The following ADD3 variants were observed in gnomAD, a reference collection of about 807,000 sequenced individuals.
ADD3 encodes the protein gamma-adducin.
ADD3 carries 25 observed loss-of-function variants against 80.2 expected under a neutral mutation model. The ratio of observed to expected loss-of-function variants is 0.31; its 90% CI spans 0.23 to 0.44. The LOEUF (loss-of-function observed/expected upper bound fraction) is 0.44, where lower values mean the gene tolerates loss of function less well. Among genes scored for constraint, ADD3 ranks in the 20% least tolerant of loss-of-function variants. The pLI is 1.00. For missense variants in ADD3, 829 were observed against 847.5 expected (o/e 0.98, Z 0.27); for synonymous variants, 284 against 289.6 (o/e 0.98, Z 0.20).
intron 1 of ADD3, among the ~76,000 whole-genome samples, chr10:110,052,342 C>A (rs1857613470): frequency 6.6e-6 from 1 of 152,204 alleles, no homozygotes; most frequent in African/African-American, 2.4e-5. Flanking sequence ...GGGCCCCGGA[C>A]CAGTACCTGT....
intron 1 of ADD3, among the ~76,000 whole-genome samples, chr10:110,030,561 G>A (rs907155798): frequency 6.6e-6 from 1 of 151,286 alleles, no homozygotes. Context: ...TGTGAAATGG[G>A]TATTAGGGTA....
chr10:110,073,709 T>C (rs1228476336), intron 1 of ADD3, among the ~76,000 whole-genome samples: 1 of 152,218 alleles, frequency 6.6e-6, no homozygotes, highest in African/African-American at 2.4e-5. Context: ...TGGAGAGTGT[T>C]CATCCTTAGT....
intron 1 of ADD3, among the ~76,000 whole-genome samples, chr10:110,008,685 G>A (rs1004889352): frequency 6.6e-6 from 1 of 152,186 alleles, no homozygotes; most frequent in Admixed American, 6.5e-5. Flanking sequence ...AAGCCCTGAA[G>A]GTGCGCTCCA....
rs148754330 is a variant in ADD3, at chr10:110,082,790, C to T, written c.-29-17835C>T. On this transcript the variant is annotated intron_variant, in intron 1 of 14. Transcript: ENST00000356080. ...ACTTATTTTAAGTATTTCCAGATAC[C>T]GATAATGCTCTTCTCATATCTTCAC... Among the ~76,000 whole-genome samples the T allele has an allele frequency of 1.0e-3, 153 of 152,182 alleles. 1 individual carries two copies. Among genetic ancestry groups the T allele is most frequent in the East Asian group, 5.4e-3 (28 of 5,182 alleles).
chr10:110,087,825 G>A (rs887880044), intron 1 of ADD3, among the ~76,000 whole-genome samples: 6 of 152,150 alleles, frequency 3.9e-5, no homozygotes, highest in African/African-American at 9.7e-5. Flanking sequence ...ATATAACAAA[G>A]TACTGCAATC....
At chr10:110,093,143 G>A (rs1847762595) in intron 1 of ADD3, among the ~76,000 whole-genome samples, 1 of 152,192 alleles carries the variant, frequency 6.6e-6, no homozygotes, top group Non-Finnish European at 1.5e-5. Context: ...ACCAGCGTGA[G>A]CCACCACACC....
chr10:110,005,037 G>C (rs112830453), upstream of ADD3, among the ~76,000 whole-genome samples: 1 of 151,980 alleles, frequency 6.6e-6, no homozygotes, highest in African/African-American at 2.4e-5. Context: ...GATATATTTT[G>C]TTTTTTCTAT....
At chr10:110,000,239 AAT>A (rs2133674035) in intron 1 of ADD3, among the ~76,000 whole-genome samples, 1 of 152,330 alleles carries the variant, frequency 6.6e-6, no homozygotes, top group South Asian at 2.1e-4. Flanking sequence ...TTTTTTAAAT[AAT>A]CCTTCCACTA....
intron 1 of ADD3, among the ~76,000 whole-genome samples, chr10:110,086,774 T>G (rs1304563015): frequency 2.0e-5 from 3 of 152,202 alleles, no homozygotes; most frequent in Admixed American, 6.5e-5. Context: ...TAAACCTCTT[T>G]ATAGATTACT....
At chr10:110,034,871 G>C (rs552045680) in intron 1 of ADD3, among the ~76,000 whole-genome samples, 68 of 152,310 alleles carry the variant, frequency 4.5e-4, no homozygotes, top group Admixed American at 2.0e-3. Context: ...GTATAGACAA[G>C]CTTCTAAGTG....
At chr10:110,036,711 T>C (rs991798357) in intron 1 of ADD3, among the ~76,000 whole-genome samples, 5 of 152,128 alleles carry the variant, frequency 3.3e-5, no homozygotes, top group African/African-American at 1.2e-4. Flanking sequence ...AATATCTAAG[T>C]AGATACTTTC....
intron 1 of ADD3, among the ~76,000 whole-genome samples, chr10:110,028,153 T>TAGTA (rs1854531886): frequency 6.6e-6 from 1 of 152,208 alleles, no homozygotes; most frequent in Non-Finnish European, 1.5e-5. Flanking sequence ...ATTTGGTACA[T>TAGTA]AGTAGGTGCT....
chr10:110,078,245 C>A (rs1411121349), intron 1 of ADD3, among the ~76,000 whole-genome samples: 1 of 152,148 alleles, frequency 6.6e-6, no homozygotes, highest in Non-Finnish European at 1.5e-5. Context: ...CCTCTTTGGA[C>A]ATTAGTTTCT....
At chr10:110,013,598 A>C (rs1027513190) in intron 1 of ADD3, among the ~76,000 whole-genome samples, 3 of 152,244 alleles carry the variant, frequency 2.0e-5, no homozygotes, top group African/African-American at 4.8e-5. Context: ...ATAAAATAAC[A>C]GTGATCACAG....
chr10:110,034,675 T>C (rs1855442594), intron 1 of ADD3, among the ~76,000 whole-genome samples: 1 of 152,184 alleles, frequency 6.6e-6, no homozygotes, highest in Admixed American at 6.5e-5. Context: ...TATACCAGTC[T>C]ACTGTTTATA....
intron 1 of ADD3, among the ~76,000 whole-genome samples, chr10:110,049,519 G>A (rs1321523167): frequency 6.6e-6 from 1 of 152,230 alleles, no homozygotes; most frequent in Non-Finnish European, 1.5e-5. Flanking sequence ...CAAGATCATA[G>A]GAACCCACCC....
Position 110,115,874 on chromosome 10 carries a change from CAAG to C in ADD3, c.335-383_335-381del, listed in dbSNP as rs969441352. On this transcript the variant is annotated intron_variant, in intron 3 of 14. Coordinates refer to ENST00000356080, the MANE Select transcript of ADD3 (RefSeq NM_016824.5). ...ATGTTTTTTGTGTTTGAATAAAAGT[CAAG>C]AGAGATAATAGAAAAGTAGCTTTCT... Among the ~76,000 whole-genome samples, 8 of 152,152 alleles carry C rather than the reference CAAG, an allele frequency of 5.3e-5. No homozygotes were observed. In the South Asian group the frequency reaches 1.7e-3, roughly 32 times the overall value.
At position 110,133,250 on chromosome 10, in the gene ADD3, A is replaced by G. The variant is rs1373002066; in HGVS notation, c.1829-76A>G. On this transcript the variant is annotated intron_variant, in intron 14 of 14. Transcript: ENST00000356080. ...AGTAATGCCTTATTACATTGCTAAA[A>G]CATTTCAGTTTTGTAAAGTAGAGCA... The G allele has an allele frequency of 5.6e-6, 8 of 1,430,980 alleles. No homozygotes were observed. The East Asian group carries it at 1.4e-4, about 25-fold the overall frequency. The allele number at this position is 1,430,980 out of a possible 1,614,324, so 88.6% of individuals were successfully genotyped here. A position where few individuals can be genotyped will look rare whatever the true frequency, so the allele number is the denominator to read the frequency against.
intron 13 of ADD3, among the ~76,000 whole-genome samples, chr10:110,130,970 G>C (rs889849012): frequency 2.6e-5 from 4 of 152,144 alleles, no homozygotes; most frequent in Non-Finnish European, 5.9e-5. Flanking sequence ...CAAAGTAGAT[G>C]TAGATAAATT....
Sources: gnomAD v4.1 joint callset for allele counts (sites outside exome capture counted in the v4.1 genomes callset) on GRCh38, gnomAD v4.1.1 for gene constraint, MANE v1.5 for transcripts, NCBI Gene and HGNC (gene_info 2026-07-23, HGNC 2026-07-21) for gene names.